KCNMA1: variants seen among roughly 807,000 people sequenced by gnomAD.
KCNMA1 encodes the protein potassium calcium-activated channel subfamily M alpha 1.
In KCNMA1, 29 loss-of-function variants were observed where a neutral mutation model predicts 140.0. The observed-to-expected ratio is 0.21, with a 90% CI of 0.15 to 0.28. The LOEUF is 0.28. KCNMA1 is among the 10% of genes least tolerant of loss of function. KCNMA1 has a pLI of 1.00. For synonymous variants in KCNMA1, 612 were observed against 611.9 expected (o/e 1.00, Z 0.00); for missense variants, 880 against 1,602.2 (o/e 0.55, Z 7.70).
chr10:77,024,180 C>G (rs888247326), intron 16 of KCNMA1, among the ~76,000 whole-genome samples: 1 of 152,032 alleles, frequency 6.6e-6, no homozygotes, highest in African/African-American at 2.4e-5. Context: ...CATGCCTTCA[C>G]CACAAGATAA....
chr10:77,628,113 A>C (rs1567963633), intron 1 of KCNMA1, among the ~76,000 whole-genome samples: 1 of 152,156 alleles, frequency 6.6e-6, no homozygotes, highest in Non-Finnish European at 1.5e-5. Context: ...CCAGAAAATA[A>C]AATAAATACT....
intron 1 of KCNMA1, among the ~76,000 whole-genome samples, chr10:77,523,448 T>A (rs956350194): frequency 6.6e-6 from 1 of 152,096 alleles, no homozygotes; most frequent in Non-Finnish European, 1.5e-5. Flanking sequence ...AGCTAAAACA[T>A]AGGGAATGCA....
intron 20 of KCNMA1, among the ~76,000 whole-genome samples, chr10:76,954,263 C>T (rs970988195): frequency 1.2e-4 from 15 of 127,104 alleles, no homozygotes; most frequent in African/African-American, 4.8e-4. Flanking sequence ...TCGATCTCCC[C>T]AGCGTGCACA....
At chr10:77,269,491 T>G (rs1305107308) in intron 2 of KCNMA1, among the ~76,000 whole-genome samples, 2 of 152,170 alleles carry the variant, frequency 1.3e-5, no homozygotes, top group Non-Finnish European at 2.9e-5. Context: ...AAAGATAACT[T>G]CATTCAGAGT....
rs189440708 is a variant in KCNMA1 at position 76,906,964 on chromosome 10, T to A, written c.3147+3002A>T. Among the ~76,000 whole-genome samples the A allele has an allele frequency of 4.4e-3, 676 of 152,322 alleles. 4 individuals carry two copies. Among genetic ancestry groups the A allele is most frequent in the African/African-American group, 0.015 (639 of 41,582 alleles). On this transcript the variant is annotated intron_variant, in intron 25 of 27. Coordinates refer to ENST00000286628, the MANE Select transcript of KCNMA1 (RefSeq NM_001161352.2). ...ATTTGATAGGCATTTTGATTAATGATTTGAAAAGTTACCATCAATGACTTA... is the reference window on the plus strand; with the variant it reads ...ATTTGATAGGCATTTTGATTAATGAATTGAAAAGTTACCATCAATGACTTA...
intron 18 of KCNMA1, among the ~76,000 whole-genome samples, chr10:77,002,818 G>A (rs552162447): frequency 5.3e-5 from 8 of 152,278 alleles, no homozygotes; most frequent in East Asian, 3.9e-4. Context: ...CTTCTCTCAC[G>A]AGGTGGGAGA....
chr10:77,406,433 G>A (rs1460398913), intron 1 of KCNMA1, among the ~76,000 whole-genome samples: 4 of 152,262 alleles, frequency 2.6e-5, no homozygotes, highest in East Asian at 3.9e-4. Flanking sequence ...GCTTCTTCTC[G>A]TGCCCCTGAC....
intron 2 of KCNMA1, among the ~76,000 whole-genome samples, chr10:77,281,874 T>C (rs953860905): frequency 1.3e-5 from 2 of 152,062 alleles, no homozygotes; most frequent in Non-Finnish European, 1.5e-5. Flanking sequence ...TCACACAAAG[T>C]AGATTAGTGG....
intron 2 of KCNMA1, among the ~76,000 whole-genome samples, chr10:77,311,514 A>G (rs1386193686): frequency 6.6e-6 from 1 of 152,184 alleles, no homozygotes; most frequent in Non-Finnish European, 1.5e-5. Flanking sequence ...CTGCTGCCCC[A>G]CATGTTGATG....
intron 1 of KCNMA1, among the ~76,000 whole-genome samples, chr10:77,573,912 A>T (rs2072986523): frequency 6.7e-6 from 1 of 148,562 alleles, no homozygotes; most frequent in Non-Finnish European, 1.5e-5. Flanking sequence ...ATCTCAGCTC[A>T]CTGCAACTTC....
chr10:77,139,138 T>A (rs2154017962), intron 5 of KCNMA1, among the ~76,000 whole-genome samples: 1 of 152,310 alleles, frequency 6.6e-6, no homozygotes, highest in South Asian at 2.1e-4. Context: ...AATGCATTAA[T>A]CCTTTCAAAG....
intron 1 of KCNMA1, among the ~76,000 whole-genome samples, chr10:77,428,926 G>A (rs138000203): frequency 3.5e-4 from 53 of 152,286 alleles, no homozygotes; most frequent in African/African-American, 1.2e-3. Flanking sequence ...AGAGCAAAGC[G>A]AGCTGCCCCA....
chr10:76,974,664 C>A, intron 19 of KCNMA1: 1 of 873,720 alleles, frequency 1.1e-6, no homozygotes, highest in South Asian at 1.5e-5. Flanking sequence ...CATTGAATAG[C>A]TTTGAATCAA....
chr10:77,202,113 T>A (rs555101888), intron 3 of KCNMA1, among the ~76,000 whole-genome samples: 1 of 152,246 alleles, frequency 6.6e-6, no homozygotes, highest in Non-Finnish European at 1.5e-5. Flanking sequence ...TCTGGTGATA[T>A]GTGCCTCTAA....
At chr10:77,344,762 C>T (rs1433333342) in intron 2 of KCNMA1, among the ~76,000 whole-genome samples, 1 of 152,092 alleles carries the variant, frequency 6.6e-6, no homozygotes, top group Non-Finnish European at 1.5e-5. Context: ...CTCATCACTA[C>T]CTTAAAGTAT....
In KCNMA1 at chr10:77,470,617, G is replaced by A. The variant is rs577658196; in HGVS notation, c.379-66594C>T. ...TCCTGACTTTTATTTTTAGCTGCAA[G>A]TCAGACAGAAGAGCAGAAAGAAGGC... On this transcript the variant is annotated intron_variant, in intron 1 of 27. Coordinates refer to ENST00000286628, the MANE Select transcript of KCNMA1 (RefSeq NM_001161352.2). Among the ~76,000 whole-genome samples, 19 of 152,334 alleles carry A rather than the reference G, an allele frequency of 1.2e-4. No individual in the cohort carries two copies. In the South Asian group the frequency reaches 2.9e-3, roughly 23 times the overall value.
At chr10:77,048,905 C>G (rs536349347) in intron 14 of KCNMA1, among the ~76,000 whole-genome samples, 1 of 152,048 alleles carries the variant, frequency 6.6e-6, no homozygotes, top group African/African-American at 2.4e-5. Flanking sequence ...GGACTACAAG[C>G]GCCTGCCACC....
intron 2 of KCNMA1, among the ~76,000 whole-genome samples, chr10:77,273,185 T>C (rs1057152931): frequency 1.3e-5 from 2 of 152,206 alleles, no homozygotes; most frequent in African/African-American, 4.8e-5. Flanking sequence ...AAATATACAT[T>C]CATCTTTTTT....
At chr10:77,331,500 T>C (rs939203276) in intron 2 of KCNMA1, among the ~76,000 whole-genome samples, 1 of 152,118 alleles carries the variant, frequency 6.6e-6, no homozygotes, top group Non-Finnish European at 1.5e-5. Flanking sequence ...CAAATACCAC[T>C]TAAGTCCTCA....
Sources: allele counts gnomAD v4.1 joint callset (sites outside exome capture counted in the v4.1 genomes callset), GRCh38; gene constraint gnomAD v4.1.1; transcripts MANE v1.5; gene names NCBI Gene and HGNC (gene_info 2026-07-23, HGNC 2026-07-21).